Variants in ARHGAP24 observed in about 807,000 individuals in gnomAD.
ARHGAP24 encodes rho GTPase-activating protein 24.
Under a neutral mutation model 76.4 loss-of-function variants are expected in ARHGAP24, and 50 were observed. The observed-to-expected ratio is 0.65, with a 90% CI of 0.52 to 0.83. ARHGAP24 has a LOEUF of 0.83. Among genes scored for constraint, ARHGAP24 ranks in the 40% least tolerant of loss-of-function variants. The pLI, the probability that ARHGAP24 is intolerant of heterozygous loss-of-function variation, is 0.00. For synonymous variants in ARHGAP24, 345 were observed against 323.3 expected, an observed-to-expected ratio of 1.07 and a Z score of -0.72; for missense variants, 930 against 914.2, an observed-to-expected ratio of 1.02 and a Z score of -0.22.
intron 3 of ARHGAP24, among the ~76,000 whole-genome samples, chr4:85,750,037 C>A (rs1012258239): frequency 2.0e-5 from 3 of 152,108 alleles, no homozygotes; most frequent in Non-Finnish European, 4.4e-5. Context: ...CATCCACCTG[C>A]CCCTCACGTA....
chr4:85,607,784 T>A (rs540358746), intron 2 of ARHGAP24, among the ~76,000 whole-genome samples: 36,864 of 144,902 alleles, frequency 0.25, 5,212 homozygotes, highest in East Asian at 0.75. Context: ...AGCCCAGGTG[T>A]TGGAGCCATA....
At chr4:85,541,110 G>GGAGTCTT (rs1330868693) in intron 1 of ARHGAP24, among the ~76,000 whole-genome samples, 1 of 144,212 alleles carries the variant, frequency 6.9e-6, no homozygotes, top group Non-Finnish European at 1.5e-5. Flanking sequence ...TTTTGACCCA[G>GGAGTCTT]GAGTCTTGTG....
rs144002586 is a variant in ARHGAP24, at chr4:85,489,070, G to T, written c.-21+13511G>T. Among the ~76,000 whole-genome samples, 689 of 152,226 alleles carry T rather than the reference G, an allele frequency of 4.5e-3. 7 individuals are homozygous for T. The highest frequency in any genetic ancestry group is 0.015 in the African/African-American group (634 of 41,536). On this transcript the variant is annotated intron_variant, in intron 1 of 9. Transcript: ENST00000395184. ...TAAATTGAATATTCTCCACACTGTA[G>T]ATTTTCAATTAATTCAGCCTTCAAA...
intron 1 of ARHGAP24, among the ~76,000 whole-genome samples, chr4:85,507,244 C>T (rs1049062473): frequency 6.6e-6 from 1 of 151,720 alleles, no homozygotes; most frequent in East Asian, 1.9e-4. Flanking sequence ...TTTTTAGAGA[C>T]AGGGTCTTAC....
intron 2 of ARHGAP24, among the ~76,000 whole-genome samples, chr4:85,667,358 A>T (rs1400125211): frequency 6.6e-6 from 1 of 152,178 alleles, no homozygotes; most frequent in Non-Finnish European, 1.5e-5. Flanking sequence ...GGAAAAGCGC[A>T]GTATTAGGAT....
Position 85,828,867 on chromosome 4 carries a change from T to C in ARHGAP24, c.269-94781T>C, listed in dbSNP as rs144359361. Reference sequence around the variant, plus strand: ...TATCTAAATAAATATATAGGAGGTTTGTATTTCTGAGACTCGTATTTGAGA... The same window carrying C: ...TATCTAAATAAATATATAGGAGGTTCGTATTTCTGAGACTCGTATTTGAGA... On this transcript the variant is annotated intron_variant, in intron 3 of 9. Transcript: ENST00000395184. 2.7e-3 allele frequency among the ~76,000 whole-genome samples: 409 copies of C among 152,212 alleles called. 4 individuals carry two copies. The highest frequency in any genetic ancestry group is 0.02 in the East Asian group (106 of 5,182).
chr4:85,665,361 T>A (rs569912239), intron 2 of ARHGAP24, among the ~76,000 whole-genome samples: 2 of 152,298 alleles, frequency 1.3e-5, no homozygotes, highest in South Asian at 4.1e-4. Flanking sequence ...GTTTTCCATC[T>A]GCTTGGTAGA....
chr4:85,557,763 C>T (rs1324912557), intron 1 of ARHGAP24, among the ~76,000 whole-genome samples: 3 of 152,226 alleles, frequency 2.0e-5, no homozygotes, highest in African/African-American at 7.2e-5. Flanking sequence ...TTCCTAGCTT[C>T]CAGGTATCCT....
At chr4:85,835,660 A>C (rs2110141033) in intron 3 of ARHGAP24, among the ~76,000 whole-genome samples, 1 of 152,030 alleles carries the variant, frequency 6.6e-6, no homozygotes, top group Admixed American at 6.5e-5. Flanking sequence ...GTGAAGCGAT[A>C]GAATGTGATA....
chr4:85,702,692 C>T lies in ARHGAP24; in HGVS notation c.181-19193C>T, dbSNP rs529867111. Among the ~76,000 whole-genome samples, 28 of 152,092 alleles carry T rather than the reference C, an allele frequency of 1.8e-4. No homozygotes were observed. In the South Asian group the frequency reaches 5.8e-3, roughly 32 times the overall value. On this transcript the variant is annotated intron_variant, in intron 2 of 9. Coordinates refer to ENST00000395184, the MANE Select transcript of ARHGAP24 (RefSeq NM_001025616.3). ...TGTTGTCTTCTGTTTTGCATTCGTT[C>T]GCCCTGGGGTTTGTGAGTTTTGATG...
intron 1 of ARHGAP24, among the ~76,000 whole-genome samples, chr4:85,487,722 A>G (rs1248872435): frequency 1.9e-5 from 2 of 104,996 alleles, no homozygotes; most frequent in East Asian, 4.9e-4. Context: ...ATAAATATAT[A>G]TTTATATTAT....
chr4:85,839,961 T>A (rs560610406), intron 3 of ARHGAP24, among the ~76,000 whole-genome samples: 1 of 146,720 alleles, frequency 6.8e-6, no homozygotes, highest in Non-Finnish European at 1.5e-5. Flanking sequence ...GCGATTCTCC[T>A]GCCTCAGCCT....
intron 3 of ARHGAP24, among the ~76,000 whole-genome samples, chr4:85,798,195 G>A (rs1445721117): frequency 1.3e-5 from 2 of 151,992 alleles, no homozygotes; most frequent in African/African-American, 2.4e-5. Flanking sequence ...CATATTCCCC[G>A]AGCAATAGTG....
At chr4:85,935,374 A>G (rs767806962) in intron 4 of ARHGAP24, among the ~76,000 whole-genome samples, 7 of 152,320 alleles carry the variant, frequency 4.6e-5, no homozygotes, top group Non-Finnish European at 8.8e-5. Flanking sequence ...ATTATCTATT[A>G]AGTTGTAGGT....
chr4:85,746,116 G>A (rs1726024945), intron 3 of ARHGAP24, among the ~76,000 whole-genome samples: 1 of 152,206 alleles, frequency 6.6e-6, no homozygotes, highest in African/African-American at 2.4e-5. Context: ...AGTGAACACA[G>A]TAATATAGAT....
At chr4:85,594,741 A>G (rs1728248081) in intron 2 of ARHGAP24, among the ~76,000 whole-genome samples, 1 of 152,122 alleles carries the variant, frequency 6.6e-6, no homozygotes, top group Non-Finnish European at 1.5e-5. Context: ...TTGTAGCCCC[A>G]TAAAAATCAC....
intron 3 of ARHGAP24, among the ~76,000 whole-genome samples, chr4:85,810,818 G>C (rs758221590): frequency 1.3e-5 from 2 of 152,084 alleles, no homozygotes; most frequent in Non-Finnish European, 2.9e-5. Context: ...ATGTTGACTA[G>C]AAATTTGGGA....
intron 2 of ARHGAP24, among the ~76,000 whole-genome samples, chr4:85,643,977 T>C (rs926576712): frequency 1.3e-4 from 20 of 152,334 alleles, no homozygotes; most frequent in African/African-American, 4.6e-4. Context: ...GAGTGAAAGA[T>C]GATGCCTTTG....
Position 85,923,728 on chromosome 4 carries a change from G to A in ARHGAP24, c.349G>A (p.Val117Met). The A allele has an allele frequency of 6.2e-7, 1 of 1,614,014 alleles. No homozygotes were observed. The highest frequency in any genetic ancestry group is 8.5e-7 in the Non-Finnish European group (1 of 1,179,966). The stretch of plus-strand genomic sequence containing the variant: ...CACCCAGAATGATATGGAAGACTGG[G>A]TGAAGTCAATCCGCCGAGTCATATG... ...ASTQNDMEDW[V>M]KSIRRVIWGP... Residue 117 changes from valine (V) to methionine (M), a missense_variant, in exon 4 of 10, where the codon GTG (valine) becomes ATG (methionine). By Grantham distance (21) the Val-to-Met change is conservative. Transcript: ENST00000395184.
Sources: allele counts gnomAD v4.1 joint callset (sites outside exome capture counted in the v4.1 genomes callset), GRCh38; gene constraint gnomAD v4.1.1; transcripts MANE v1.5; gene names NCBI Gene and HGNC (gene_info 2026-07-23, HGNC 2026-07-21).